The following CCDC93 variants were observed in gnomAD, a reference collection of about 807,000 sequenced individuals.
CCDC93 encodes the protein CCC complex scaffolding subunit CCDC93.
Under a neutral mutation model 108.2 loss-of-function variants are expected in CCDC93, and 61 were observed. That is an observed-to-expected ratio of 0.56 (90% CI 0.46 to 0.70). The LOEUF is 0.70. Ranked by LOEUF, CCDC93 falls within the 30% of genes least tolerant of loss-of-function variation. The pLI, the probability that CCDC93 is intolerant of heterozygous loss-of-function variation, is 0.00. For synonymous variants in CCDC93, 276 were observed against 260.4 expected (o/e 1.06, Z -0.58); for missense variants, 685 against 764.2 (o/e 0.90, Z 1.22).
At chr2:117,925,130 A>G (rs976420135) in intron 23 of CCDC93, among the ~76,000 whole-genome samples, 1 of 152,218 alleles carries the variant, frequency 6.6e-6, no homozygotes, top group Non-Finnish European at 1.5e-5. Flanking sequence ...AGCACTAAAC[A>G]TGGAAAGAAA....
At chr2:117,925,751 C>T (rs913461640) in intron 23 of CCDC93, among the ~76,000 whole-genome samples, 8 of 152,204 alleles carry the variant, frequency 5.3e-5, no homozygotes, top group Non-Finnish European at 1.0e-4. Flanking sequence ...TTGAACTCAG[C>T]TCTGCACCAA....
chr2:117,940,399 C>T lies in CCDC93; in HGVS notation c.1522+790G>A, dbSNP rs141973987. Among the ~76,000 whole-genome samples the T allele has an allele frequency of 3.8e-3, 576 of 152,278 alleles. 3 individuals carry two copies. Among genetic ancestry groups the T allele is most frequent in the Non-Finnish European group, 6.2e-3 (420 of 68,018 alleles). On this transcript the variant is annotated intron_variant, in intron 19 of 23. Transcript: ENST00000376300. The stretch of plus-strand genomic sequence containing the variant: ...GGAACAGGAGGAGTCAAGGCTAAGA[C>T]GTCAAAGCTCATGGTTTGTTCAGAG...
intron 11 of CCDC93, among the ~76,000 whole-genome samples, chr2:117,961,685 C>G (rs1679399088): frequency 6.6e-6 from 1 of 152,112 alleles, no homozygotes; most frequent in South Asian, 2.1e-4. Context: ...ATGGTTCATT[C>G]ACTGAGAGAT....
At chr2:117,949,520 T>A in intron 13 of CCDC93, 125 bp from the exon 14 acceptor site, 1 of 729,242 alleles carries the variant, frequency 1.4e-6, no homozygotes, top group Middle Eastern at 3.8e-4. Context: ...GATTTTAATG[T>A]GTAAAGTAGG....
At chr2:117,967,267 A>ACAGGC (rs1335367121) in intron 11 of CCDC93, among the ~76,000 whole-genome samples, 2 of 152,252 alleles carry the variant, frequency 1.3e-5, no homozygotes, top group Non-Finnish European at 2.9e-5. Context: ...TGCTGGGATT[A>ACAGGC]CAGGCGTGAG....
At chr2:118,008,101 G>T (rs1223752694) in intron 2 of CCDC93, among the ~76,000 whole-genome samples, 1 of 152,142 alleles carries the variant, frequency 6.6e-6, no homozygotes, top group East Asian at 1.9e-4. Flanking sequence ...ATCATTCAAG[G>T]TTCTGCTGAA....
chr2:117,947,851 G>A (rs1328182334), intron 15 of CCDC93, among the ~76,000 whole-genome samples: 4 of 152,008 alleles, frequency 2.6e-5, no homozygotes, highest in Non-Finnish European at 4.4e-5. Context: ...CAGCCACCAC[G>A]CCCAGCTAAT....
At chr2:117,983,423 C>T (rs186129557) in intron 7 of CCDC93, among the ~76,000 whole-genome samples, 28 of 152,114 alleles carry the variant, frequency 1.8e-4, no homozygotes, top group African/African-American at 6.8e-4. Context: ...TTTCAGTGAA[C>T]CTTCAGAGGG....
intron 16 of CCDC93, among the ~76,000 whole-genome samples, chr2:117,946,171 A>C: frequency 6.6e-6 from 1 of 152,128 alleles, no homozygotes; most frequent in South Asian, 2.1e-4. Flanking sequence ...TCCAGTGCAG[A>C]GTTCTGGGCC....
intron 19 of CCDC93, among the ~76,000 whole-genome samples, chr2:117,940,060 A>G (rs1559506): frequency 0.97 from 147,617 of 152,268 alleles, 71,742 homozygotes; most frequent in Middle Eastern, 1. Flanking sequence ...TTAGACTCTG[A>G]GCAGCAAAGG....
intron 6 of CCDC93, among the ~76,000 whole-genome samples, chr2:117,993,571 C>A (rs1197129957): frequency 6.6e-6 from 1 of 152,128 alleles, no homozygotes; most frequent in South Asian, 2.1e-4. Context: ...TGCTGCTGGC[C>A]TAGCAATTTC....
At chr2:117,971,614 C>G (rs1013630618) in intron 11 of CCDC93, among the ~76,000 whole-genome samples, 8 of 152,146 alleles carry the variant, frequency 5.3e-5, no homozygotes, top group African/African-American at 1.9e-4. Context: ...TTTTATAAAG[C>G]AGATACTAGG....
At chr2:117,986,676 T>A (rs963950468) in intron 6 of CCDC93, among the ~76,000 whole-genome samples, 1 of 152,178 alleles carries the variant, frequency 6.6e-6, no homozygotes, top group Admixed American at 6.5e-5. Context: ...TACTTTAGTA[T>A]ACAGTTTCGA....
chr2:117,946,736 C>T, intron 16 of CCDC93, 75 bp downstream of exon 16: 1 of 1,031,114 alleles, frequency 9.7e-7, no homozygotes. Flanking sequence ...CAGCGGTCTG[C>T]TCTTTGGTCC....
chr2:118,011,697 C>T (rs902022577), intron 1 of CCDC93, among the ~76,000 whole-genome samples: 1 of 152,156 alleles, frequency 6.6e-6, no homozygotes, highest in Non-Finnish European at 1.5e-5. Context: ...AGGATCATCA[C>T]TGCCTCAACA....
intron 1 of CCDC93, among the ~76,000 whole-genome samples, chr2:118,011,103 C>T (rs1327295149): frequency 1.3e-5 from 2 of 152,146 alleles, no homozygotes; most frequent in Non-Finnish European, 2.9e-5. Context: ...TCCAAGGACA[C>T]ACTTATTAAA....
chr2:118,000,931 C>T lies in CCDC93; in HGVS notation c.253G>A (p.Ala85Thr). The T allele has an allele frequency of 6.2e-7, 1 of 1,602,392 alleles. No individual in the cohort carries two copies. ...QENSTIGQKI[A>T]LSEKIVSVLP... is the part of the protein sequence containing the mutation. ...ACCGAGACAATTTTTTCTGACAGAG[C>T]TCTGTTCAGAAAAAGTAACAAGCAA... Residue 85 changes from alanine to threonine, a missense_variant and splice_region_variant, in exon 4 of 24, where the codon GCT becomes ACT. Coordinates refer to ENST00000376300, the MANE Select transcript of CCDC93 (RefSeq NM_019044.5).
intron 22 of CCDC93, chr2:117,934,475 G>C (rs1309354446): frequency 1.3e-5 from 2 of 152,300 alleles, no homozygotes; most frequent in Non-Finnish European, 2.9e-5. Context: ...GAATAGTCTT[G>C]AGAAATCGTG....
intron 23 of CCDC93, among the ~76,000 whole-genome samples, chr2:117,922,236 T>C (rs957885033): frequency 6.6e-6 from 1 of 152,192 alleles, no homozygotes; most frequent in African/African-American, 2.4e-5. Flanking sequence ...TAGGCGATGC[T>C]TGTACTTTTC....
Sources: allele counts gnomAD v4.1 joint callset (sites outside exome capture counted in the v4.1 genomes callset), GRCh38; gene constraint gnomAD v4.1.1; transcripts MANE v1.5; gene names NCBI Gene and HGNC (gene_info 2026-07-23, HGNC 2026-07-21).